The following RBFOX2 variants were observed in gnomAD, a reference collection of about 807,000 sequenced individuals.
The protein encoded by RBFOX2 is RNA binding protein fox-1 homolog 2.
A neutral mutation model predicts 49.1 loss-of-function variants in RBFOX2; 10 were observed. That is an observed-to-expected ratio of 0.20 (90% CI 0.13 to 0.35). RBFOX2 has a LOEUF of 0.35. Ranked by LOEUF, RBFOX2 falls within the 10% of genes least tolerant of loss-of-function variation. The pLI is 1.00. For synonymous variants in RBFOX2, 183 were observed against 187.4 expected (o/e 0.98, Z 0.19); for missense variants, 323 against 486.9 (o/e 0.66, Z 3.17).
chr22:35,847,901 C>T (rs1186757837), intron 1 of RBFOX2, among the ~76,000 whole-genome samples: 1 of 151,992 alleles, frequency 6.6e-6, no homozygotes, highest in Non-Finnish European at 1.5e-5. Context: ...TAGAATTTTG[C>T]TGCAAAAGAC....
At position 35,989,674 on chromosome 22, in the gene RBFOX2, T is replaced by C. The variant is rs776964367; in HGVS notation, c.186+38566A>G. Among the ~76,000 whole-genome samples, 71 of 152,104 alleles carry C rather than the reference T, an allele frequency of 4.7e-4. 1 individual carries two copies. Among genetic ancestry groups the C allele is most frequent in the Admixed American group, 1.1e-3 (17 of 15,266 alleles). ...AAAAAAAGATATAGAAGGGCAGATT[T>C]AAAATCTTGGGAAAAATCCAAGTAG... is the stretch of plus-strand genomic sequence containing the variant. On this transcript the variant is annotated intron_variant, in intron 1 of 13. Transcript: ENST00000438146.
intron 1 of RBFOX2, among the ~76,000 whole-genome samples, chr22:35,978,227 T>C (rs541500804): frequency 3.5e-4 from 53 of 152,208 alleles, no homozygotes; most frequent in Admixed American, 9.8e-4. Flanking sequence ...GAGTTATCAG[T>C]GTGAATTCAT....
rs2057377038 is a variant in RBFOX2 at position 35,979,942 on chromosome 22, CTT to C, written c.187-41047_187-41046del. On this transcript the variant is annotated intron_variant, in intron 1 of 13. Coordinates refer to the RBFOX2 transcript ENST00000438146. Reference sequence around the variant, plus strand: ...CACGTAACGAAGTATGTGCCAATATCTTTACTTATCATTGAGGATGGAAAATC... The same window carrying C: ...CACGTAACGAAGTATGTGCCAATATCTACTTATCATTGAGGATGGAAAATC... Among the ~76,000 whole-genome samples, 5 of 152,132 alleles carry C rather than the reference CTT, an allele frequency of 3.3e-5. 1 individual carries two copies. In the South Asian group the frequency reaches 1.0e-3, roughly 31 times the overall value.
At chr22:35,983,991 A>G (rs900654280) in intron 1 of RBFOX2, among the ~76,000 whole-genome samples, 2 of 152,162 alleles carry the variant, frequency 1.3e-5, no homozygotes, top group Non-Finnish European at 2.9e-5. Flanking sequence ...TCCCTAAAAT[A>G]GCTCTCCTCT....
At chr22:35,863,094 G>A (rs916232069) in intron 1 of RBFOX2, among the ~76,000 whole-genome samples, 1 of 152,058 alleles carries the variant, frequency 6.6e-6, no homozygotes, top group Non-Finnish European at 1.5e-5. Flanking sequence ...TCAGCTGGGG[G>A]GCAGGGGAGA....
At chr22:35,985,911 GATA>G (rs1476074817) in intron 1 of RBFOX2, among the ~76,000 whole-genome samples, 2 of 29,858 alleles carry the variant, frequency 6.7e-5, no homozygotes, top group Non-Finnish European at 1.8e-4. Context: ...TGGATAGATA[GATA>G]GATAGATAGA....
chr22:35,797,665 T>C (rs1168419932), intron 2 of RBFOX2, among the ~76,000 whole-genome samples: 2 of 152,224 alleles, frequency 1.3e-5, no homozygotes, highest in Non-Finnish European at 2.9e-5. Context: ...CCATTGCTTC[T>C]GTACTGACCG....
chr22:35,845,463 A>G (rs1246151056), upstream of RBFOX2, among the ~76,000 whole-genome samples: 2 of 152,200 alleles, frequency 1.3e-5, no homozygotes, highest in African/African-American at 4.8e-5. Context: ...CTTATAAAAA[A>G]CAATCCTCAT....
intron 9 of RBFOX2, among the ~76,000 whole-genome samples, chr22:35,755,520 C>T (rs1936600898): frequency 1.3e-5 from 2 of 152,088 alleles, no homozygotes; most frequent in Admixed American, 1.3e-4. Flanking sequence ...AAATATCTGG[C>T]GTTTTCTCAT....
At chr22:35,874,141 A>T (rs1000699779) in intron 1 of RBFOX2, among the ~76,000 whole-genome samples, 3 of 152,260 alleles carry the variant, frequency 2.0e-5, no homozygotes, top group African/African-American at 7.2e-5. Flanking sequence ...ATACATGAAA[A>T]GCAGTATCAC....
chr22:35,810,710 T>C (rs1490687848), intron 1 of RBFOX2, among the ~76,000 whole-genome samples: 1 of 152,228 alleles, frequency 6.6e-6, no homozygotes, highest in Non-Finnish European at 1.5e-5. Flanking sequence ...TTTATTATGA[T>C]ATAACTGTCA....
chr22:35,954,525 T>A (rs1020073522), intron 1 of RBFOX2, among the ~76,000 whole-genome samples: 5 of 152,180 alleles, frequency 3.3e-5, no homozygotes, highest in Admixed American at 1.3e-4. Context: ...CTAGCCTCCA[T>A]CCACCCCTGC....
intron 1 of RBFOX2, among the ~76,000 whole-genome samples, chr22:35,821,602 CAAAAAAAAAAAAAAAAAAA>C (rs1158936385): frequency 2.7e-5 from 1 of 36,416 alleles, no homozygotes; most frequent in Non-Finnish European, 6.2e-5. Context: ...ACTCCGTCTC[CAAAAAAAAAAAAAAAAAAA>C]AAAAAAAAAA....
At chr22:36,011,174 A>C (rs1170734125) in intron 1 of RBFOX2, among the ~76,000 whole-genome samples, 1 of 152,220 alleles carries the variant, frequency 6.6e-6, no homozygotes, top group Non-Finnish European at 1.5e-5. Context: ...CATATACGAT[A>C]GCTGACCCAC....
intron 9 of RBFOX2, among the ~76,000 whole-genome samples, chr22:35,758,824 T>C (rs1217540138): frequency 6.6e-6 from 1 of 152,164 alleles, no homozygotes; most frequent in African/African-American, 2.4e-5. Flanking sequence ...GGTCTATGAA[T>C]GAATGAATGA....
intron 2 of RBFOX2, among the ~76,000 whole-genome samples, chr22:35,794,979 G>C (rs1948499331): frequency 6.6e-6 from 1 of 152,126 alleles, no homozygotes; most frequent in African/African-American, 2.4e-5. Flanking sequence ...TGTGCTGAAA[G>C]GATGTCTTGA....
At chr22:35,801,467 T>C (rs1052947163) in intron 2 of RBFOX2, among the ~76,000 whole-genome samples, 53 of 151,124 alleles carry the variant, frequency 3.5e-4, no homozygotes, top group Non-Finnish European at 5.6e-4. Flanking sequence ...TCTCTCTCTC[T>C]CCCTCCCCCC....
intron 1 of RBFOX2, among the ~76,000 whole-genome samples, chr22:35,819,118 C>G (rs1352597573): frequency 6.6e-6 from 1 of 152,134 alleles, no homozygotes; most frequent in East Asian, 1.9e-4. Flanking sequence ...TCATAGCTTC[C>G]TCACCAAATG....
chr22:35,870,841 T>C (rs968766800), intron 1 of RBFOX2, among the ~76,000 whole-genome samples: 1 of 152,176 alleles, frequency 6.6e-6, no homozygotes, highest in Non-Finnish European at 1.5e-5. Flanking sequence ...CATTTGTCCA[T>C]TGAGAAACAT....
Sources: allele counts gnomAD v4.1 joint callset (sites outside exome capture counted in the v4.1 genomes callset), GRCh38; gene constraint gnomAD v4.1.1; transcripts MANE v1.5; gene names NCBI Gene and HGNC (gene_info 2026-07-23, HGNC 2026-07-21).